Variants in C16orf96 observed in about 807,000 individuals in gnomAD.
The protein encoded by C16orf96 is uncharacterized protein C16orf96.
In C16orf96, 108 loss-of-function variants were observed where a neutral mutation model predicts 103.6. The observed-to-expected ratio is 1.04, with a 90% CI of 0.89 to 1.22. C16orf96 has a LOEUF of 1.22. Ranked by LOEUF, C16orf96 falls within the 50% of genes most tolerant of loss-of-function variation. The probability of loss-of-function intolerance (pLI) is 0.00; values close to 1 mark genes in which losing one functional copy is unlikely to be tolerated. For synonymous variants in C16orf96, 566 were observed against 593.5 expected (o/e 0.95, Z 0.67); for missense variants, 1,586 against 1,464.2 (o/e 1.08, Z -1.36).
chr16:4,566,642 C>A (rs1452844317), intron 1 of C16orf96, among the ~76,000 whole-genome samples: 3 of 152,072 alleles, frequency 2.0e-5, no homozygotes, highest in Non-Finnish European at 4.4e-5. Context: ...CATTTTCTTG[C>A]TGGTGTCTTT....
chr16:4,550,499 C>A, the C16orf96 span, among the ~76,000 whole-genome samples: 1 of 152,216 alleles, frequency 6.6e-6, no homozygotes. Flanking sequence ...CAGCATCAAG[C>A]TAATGCATTG....
rs1157573551 is a variant in C16orf96 at position 4,592,235 on chromosome 16, G to T, written c.2712-70G>T. The T allele has an allele frequency of 3.9e-6, 6 of 1,535,590 alleles. No homozygotes were observed. The African/African-American group carries it at 4.1e-5, about 11-fold the overall frequency. ...GGAGGGATGCAGCCCTGGGGCTCTG[G>T]CTGGCTGCAGCCTCCCACACATGGC... On this transcript the variant is annotated intron_variant, in intron 10 of 15. Transcript: ENST00000444310.
At chr16:4,579,082 G>A (rs956799391) in intron 6 of C16orf96, 57 bp downstream of exon 6, 1 of 1,460,100 alleles carries the variant, frequency 6.8e-7, no homozygotes, top group South Asian at 1.2e-5. Context: ...TGAGCTGGCT[G>A]AAGACTCCTT....
chr16:4,581,075 G>A lies in C16orf96; in HGVS notation c.2352+950G>A, dbSNP rs528608738. 3.0e-3 allele frequency among the ~76,000 whole-genome samples: 438 copies of A among 147,614 alleles called. 6 individuals are homozygous for A. Among genetic ancestry groups the A allele is most frequent in the African/African-American group, 0.01 (408 of 40,222 alleles). ...GGAGGCAGTGGTTGCGGTGAGCCCC[G>A]ATCGTGCCATTGCACTCCAGCTTGG... On this transcript the variant is annotated intron_variant, in intron 7 of 15. Transcript: ENST00000444310.
chr16:4,588,531 GA>G (rs1446024703), intron 9 of C16orf96, among the ~76,000 whole-genome samples, 200 bp downstream of exon 9: 24 of 152,134 alleles, frequency 1.6e-4, no homozygotes, highest in African/African-American at 5.6e-4. Flanking sequence ...AGGCTCGAAT[GA>G]GGCTGGATGA....
Position 4,575,784 on chromosome 16 carries a change from C to T in C16orf96, c.1304C>T (p.Pro435Leu), listed in dbSNP as rs1474674727. 6.4e-7 allele frequency: 1 copy of T among 1,550,566 alleles called. No homozygotes were observed. Among genetic ancestry groups the T allele is most frequent in the Non-Finnish European group, 8.7e-7 (1 of 1,146,888 alleles). ...GCCACTGAGTTTGGCTCATTGTGGCCTCGACCACTCCAGCCATATCAGTCT... is the reference window on the plus strand; with the variant it reads ...GCCACTGAGTTTGGCTCATTGTGGCTTCGACCACTCCAGCCATATCAGTCT... ...PPATEFGSLW[P>L]RPLQPYQSRQ... Residue 435 changes from proline to leucine, a missense_variant, in exon 5 of 16, where the codon CCT (proline) becomes CTT (leucine). Pro to Leu is a moderately conservative substitution (Grantham distance 98). Coordinates refer to ENST00000444310, the MANE Select transcript of C16orf96 (RefSeq NM_001145011.2).
chr16:4,571,686 C>T (rs1317545768), intron 2 of C16orf96, 21 bp downstream of exon 2: 1 of 1,542,800 alleles, frequency 6.5e-7, no homozygotes, highest in African/African-American at 1.4e-5. Context: ...CCCCAGCATC[C>T]TCCATGCCAG....
upstream of C16orf96, among the ~76,000 whole-genome samples, chr16:4,553,382 ATT>A (rs1296996759): frequency 2.0e-5 from 3 of 151,960 alleles, no homozygotes; most frequent in Admixed American, 1.3e-4. Context: ...AGCGATTTGT[ATT>A]TTGTTTTATT....
intron 2 of C16orf96, among the ~76,000 whole-genome samples, chr16:4,573,596 C>T (rs2059464550): frequency 6.7e-6 from 1 of 149,646 alleles, no homozygotes. Context: ...ACTAAAAATA[C>T]AAAAAATTAG....
the C16orf96 span, among the ~76,000 whole-genome samples, chr16:4,548,269 T>C: frequency 2.0e-5 from 3 of 152,156 alleles, no homozygotes; most frequent in African/African-American, 7.2e-5. Flanking sequence ...AGGAGCTGCT[T>C]GTGTCACCTT....
At chr16:4,563,205 G>T in intron 1 of C16orf96, 1 of 611,662 alleles carries the variant, frequency 1.6e-6, no homozygotes, top group Non-Finnish European at 3.1e-6. Context: ...GCTTCGCTCG[G>T]CTCTAGCAGT....
chr16:4,546,445 A>G, the C16orf96 span, among the ~76,000 whole-genome samples: 17,701 of 139,786 alleles, frequency 0.13, 1,286 homozygotes, highest in South Asian at 0.27. Context: ...GGCGGGAGCC[A>G]CCGCGCCCGG....
rs1429934984 is a variant in C16orf96, at chr16:4,574,773, C to T, written c.590C>T (p.Ala197Val). 1.9e-6 allele frequency: 3 copies of T among 1,551,628 alleles called. No individual in the cohort carries two copies. Among genetic ancestry groups the T allele is most frequent in the Admixed American group, 3.9e-5 (2 of 50,978 alleles). ...AAAATACAGAACTGGAAGATGGTTG[C>T]ACTGCAGCGGGAAGTGGTGAGGGCC... The part of the protein sequence containing the change: ...DFKIQNWKMV[A>V]LQREVASLQN... Residue 197 changes from alanine (A) to valine (V), a missense_variant, in exon 3 of 16, where the codon GCA becomes GTA. Coordinates refer to ENST00000444310, the MANE Select transcript of C16orf96 (RefSeq NM_001145011.2).
intron 1 of C16orf96, among the ~76,000 whole-genome samples, chr16:4,569,438 C>T (rs1025340259): frequency 1.3e-5 from 2 of 152,160 alleles, no homozygotes; most frequent in East Asian, 1.9e-4. Context: ...CTGCTCCCCA[C>T]TTCCTACTTA....
intron 1 of C16orf96, among the ~76,000 whole-genome samples, chr16:4,566,944 T>C (rs1414997777): frequency 6.6e-6 from 1 of 152,156 alleles, no homozygotes; most frequent in African/African-American, 2.4e-5. Context: ...ACCTTTTCAA[T>C]TAACCAGTGT....
chr16:4,566,183 T>C (rs1169516566), intron 1 of C16orf96, among the ~76,000 whole-genome samples: 1 of 152,208 alleles, frequency 6.6e-6, no homozygotes, highest in African/African-American at 2.4e-5. Flanking sequence ...ATGTTTTCAT[T>C]TCTTTTGGGA....
At chr16:4,568,165 A>G (rs1018369990) in intron 1 of C16orf96, among the ~76,000 whole-genome samples, 2 of 152,058 alleles carry the variant, frequency 1.3e-5, no homozygotes, top group Admixed American at 1.3e-4. Context: ...TCAAGCTCCC[A>G]AAGTGCTGAA....
At chr16:4,555,142 G>A (rs59855106), upstream of C16orf96, among the ~76,000 whole-genome samples, 144,121 of 150,880 alleles carry the variant, frequency 0.96, 69,186 homozygotes, top group East Asian at 1. Context: ...AGGCGCCTGT[G>A]ATCCCAGCTA....
chr16:4,573,580 A>G (rs558420863), intron 2 of C16orf96, among the ~76,000 whole-genome samples: 8 of 151,152 alleles, frequency 5.3e-5, no homozygotes, highest in South Asian at 2.1e-4. Context: ...GTGAAACCCC[A>G]TCTCTACTAA....
Sources: gnomAD v4.1 joint callset for allele counts (sites outside exome capture counted in the v4.1 genomes callset) on GRCh38, gnomAD v4.1.1 for gene constraint, MANE v1.5 for transcripts, NCBI Gene and HGNC (gene_info 2026-07-23, HGNC 2026-07-21) for gene names.